Variants in NFATC3 observed in about 807,000 individuals in gnomAD.
NFATC3 encodes nuclear factor of activated T-cells, cytoplasmic 3.
In NFATC3, 46 loss-of-function variants were observed where a neutral mutation model predicts 98.6. The observed-to-expected ratio is 0.47, with a 90% CI of 0.37 to 0.60. The LOEUF is 0.60. NFATC3 is among the 20% of genes least tolerant of loss of function. NFATC3 has a pLI of 0.00. For missense variants in NFATC3, 1,256 were observed against 1,295.5 expected (o/e 0.97, Z 0.47); for synonymous variants, 512 against 472.2 (o/e 1.08, Z -1.09).
At chr16:68,178,412 T>C (rs1431861223) in intron 6 of NFATC3, among the ~76,000 whole-genome samples, 1 of 152,206 alleles carries the variant, frequency 6.6e-6, no homozygotes, top group Non-Finnish European at 1.5e-5. Context: ...ATCAGTTCTG[T>C]TTCATAATTT....
At chr16:68,200,883 A>C (rs1217950817) in intron 9 of NFATC3, 1 of 152,196 alleles carries the variant, frequency 6.6e-6, no homozygotes, top group Admixed American at 6.6e-5. Context: ...CAGACAGTAA[A>C]CATTAAAACA....
intron 9 of NFATC3, 63 bp from the exon 10 acceptor site, chr16:68,226,287 T>A: frequency 3.9e-6 from 6 of 1,521,820 alleles, no homozygotes; most frequent in Non-Finnish European, 5.2e-6. Context: ...GAGCTCAGCG[T>A]TGGGCATCAT....
chr16:68,138,587 A>G (rs75788262), intron 3 of NFATC3: 54,826 of 1,289,074 alleles, frequency 0.043, 1,300 homozygotes, highest in Middle Eastern at 0.11. Flanking sequence ...AAGAAGGTGT[A>G]TGGAAAGCAC....
At chr16:68,113,032 A>G (rs1459514139) in intron 1 of NFATC3, among the ~76,000 whole-genome samples, 1 of 152,180 alleles carries the variant, frequency 6.6e-6, no homozygotes, top group Non-Finnish European at 1.5e-5. Context: ...GGGTTAAAAC[A>G]TACTCCTTTA....
intron 3 of NFATC3, among the ~76,000 whole-genome samples, chr16:68,149,275 C>G (rs1400406064): frequency 6.6e-6 from 1 of 152,166 alleles, no homozygotes; most frequent in Non-Finnish European, 1.5e-5. Flanking sequence ...ACAATGCTTG[C>G]AATAGGTTTA....
chr16:68,131,323 G>T (rs1182221282), intron 3 of NFATC3, among the ~76,000 whole-genome samples: 1 of 152,140 alleles, frequency 6.6e-6, no homozygotes, highest in Non-Finnish European at 1.5e-5. Context: ...TGTTACACCA[G>T]CTGGAGTACA....
chr16:68,096,586 C>T (rs2035029679), intron 1 of NFATC3, among the ~76,000 whole-genome samples: 3 of 152,078 alleles, frequency 2.0e-5, no homozygotes, highest in South Asian at 4.1e-4. Flanking sequence ...ATGACTACAA[C>T]AATATTAATA....
intron 9 of NFATC3, chr16:68,214,373 G>A: frequency 6.2e-7 from 1 of 1,614,210 alleles, no homozygotes; most frequent in South Asian, 1.1e-5. Flanking sequence ...AGGTTCAGCA[G>A]AGAAATGGCC....
At chr16:68,143,289 G>A (rs2037857113) in intron 3 of NFATC3, among the ~76,000 whole-genome samples, 1 of 151,040 alleles carries the variant, frequency 6.6e-6, no homozygotes, top group Non-Finnish European at 1.5e-5. Context: ...AAAAATATTA[G>A]CATTGTAGGA....
chr16:68,222,289 C>CCAAAAAAAAAAAAAAA (rs1372339245), intron 9 of NFATC3, among the ~76,000 whole-genome samples: 1 of 26,404 alleles, frequency 3.8e-5, no homozygotes, highest in African/African-American at 9.3e-5. Flanking sequence ...ACCCCATTGC[C>CCAAAAAAAAAAAAAAA]AAAAAAAAAA....
At chr16:68,134,643 A>G (rs963120038) in intron 3 of NFATC3, among the ~76,000 whole-genome samples, 1 of 152,050 alleles carries the variant, frequency 6.6e-6, no homozygotes, top group Non-Finnish European at 1.5e-5. Flanking sequence ...TTTTTCCCAA[A>G]CTCAGGGCAA....
intron 1 of NFATC3, chr16:68,089,272 G>A (rs1437405715): frequency 4.1e-6 from 4 of 985,248 alleles, no homozygotes; most frequent in Non-Finnish European, 4.8e-6. Flanking sequence ...GCTTGTTAAA[G>A]TGCTAATTAG....
At chr16:68,107,629 A>C (rs188283331) in intron 1 of NFATC3, among the ~76,000 whole-genome samples, 1 of 152,180 alleles carries the variant, frequency 6.6e-6, no homozygotes, top group Non-Finnish European at 1.5e-5. Flanking sequence ...AGGCTGAGAC[A>C]GGAGAATCAC....
chr16:68,106,581 C>T (rs1481707598), intron 1 of NFATC3, among the ~76,000 whole-genome samples: 2 of 151,898 alleles, frequency 1.3e-5, no homozygotes, highest in East Asian at 3.9e-4. Flanking sequence ...TGAGCCACCA[C>T]ACCCAGCCTC....
chr16:68,163,765 G>A (rs1487917503), intron 4 of NFATC3, among the ~76,000 whole-genome samples: 1,552 of 89,556 alleles, frequency 0.017, no homozygotes, highest in Middle Eastern at 0.036. Flanking sequence ...TCCCAGACGG[G>A]GCGGTGGGGC....
At chr16:68,202,760 C>T (rs947439113) in intron 9 of NFATC3, among the ~76,000 whole-genome samples, 36 of 151,598 alleles carry the variant, frequency 2.4e-4, no homozygotes, top group Admixed American at 2.2e-3. Flanking sequence ...TGCAGTGAGC[C>T]GAGATCGTGC....
At chr16:68,127,287 C>G (rs1001262633) in intron 3 of NFATC3, among the ~76,000 whole-genome samples, 2 of 152,084 alleles carry the variant, frequency 1.3e-5, no homozygotes, top group Non-Finnish European at 2.9e-5. Flanking sequence ...ATCTAACCCT[C>G]TCAGAAATAA....
chr16:68,086,571 A>G, intron 1 of NFATC3: 1 of 862,638 alleles, frequency 1.2e-6, no homozygotes, highest in Non-Finnish European at 1.4e-6. Context: ...CTGGGGACTT[A>G]GAGCTCTTTT....
intron 4 of NFATC3, among the ~76,000 whole-genome samples, 171 bp downstream of exon 4, chr16:68,158,239 T>C (rs2038712839): frequency 6.6e-6 from 1 of 152,078 alleles, no homozygotes; most frequent in South Asian, 2.1e-4. Flanking sequence ...AGAAGGAAAA[T>C]TCAATTCAGT....
Sources: allele counts gnomAD v4.1 joint callset (sites outside exome capture counted in the v4.1 genomes callset), GRCh38; gene constraint gnomAD v4.1.1; transcripts MANE v1.5; gene names NCBI Gene and HGNC (gene_info 2026-07-23, HGNC 2026-07-21).